TPTE: variants seen among roughly 807,000 people sequenced by gnomAD.
TPTE encodes putative tyrosine-protein phosphatase TPTE.
In TPTE, 59 loss-of-function variants were observed where a neutral mutation model predicts 84.1. The observed-to-expected ratio is 0.70, with a 90% CI of 0.57 to 0.87. The LOEUF is 0.87. TPTE is among the 40% of genes least tolerant of loss of function. The probability of loss-of-function intolerance (pLI) is 0.00; values close to 1 mark genes in which losing one functional copy is unlikely to be tolerated. For missense variants in TPTE, 382 were observed against 659.6 expected, an observed-to-expected ratio of 0.58 and a Z score of 4.61; for synonymous variants, 130 against 223.5, an observed-to-expected ratio of 0.58 and a Z score of 3.73.
At chr21:10,558,629 G>A (rs367922943) in intron 8 of TPTE, among the ~76,000 whole-genome samples, 1,893 of 151,446 alleles carry the variant, frequency 0.012, no homozygotes, top group African/African-American at 0.038. Context: ...TTGTTCTCCC[G>A]TCTTAGGCAC....
At chr21:10,531,020 A>G (rs1465899630) in intron 3 of TPTE, among the ~76,000 whole-genome samples, 1 of 152,308 alleles carries the variant, frequency 6.6e-6, no homozygotes, top group African/African-American at 2.4e-5. Flanking sequence ...TGTCTTGTTA[A>G]TTTACGTGTG....
At chr21:10,589,342 C>T (rs2075422555) in intron 17 of TPTE, among the ~76,000 whole-genome samples, 1 of 152,292 alleles carries the variant, frequency 6.6e-6, no homozygotes. Flanking sequence ...GTAGATGGCG[C>T]CATGGGTAAG....
intron 10 of TPTE, among the ~76,000 whole-genome samples, chr21:10,563,313 G>T (rs967254077): frequency 6.6e-6 from 1 of 152,308 alleles, no homozygotes; most frequent in African/African-American, 2.4e-5. Flanking sequence ...CAACCTGAAG[G>T]TATAAAACTC....
chr21:10,577,692 C>T (rs653453), intron 15 of TPTE, among the ~76,000 whole-genome samples, 172 bp downstream of exon 15: 25,744 of 133,130 alleles, frequency 0.19, 18 homozygotes, highest in African/African-American at 0.46. Flanking sequence ...GGAGTTAGCC[C>T]AGCAGCACAA....
intron 7 of TPTE, among the ~76,000 whole-genome samples, chr21:10,548,344 C>A: frequency 6.6e-6 from 1 of 152,308 alleles, no homozygotes; most frequent in East Asian, 1.9e-4. Flanking sequence ...GTCCTGTATC[C>A]ATTCCCAGCA....
chr21:10,602,982 T>G (rs1476927088), intron 22 of TPTE, among the ~76,000 whole-genome samples: 1 of 152,312 alleles, frequency 6.6e-6, no homozygotes, highest in Non-Finnish European at 1.5e-5. Context: ...ATCCACATGG[T>G]CCCTGCAGAG....
intron 10 of TPTE, among the ~76,000 whole-genome samples, chr21:10,567,296 G>A (rs1227190368): frequency 2.0e-5 from 3 of 152,308 alleles, no homozygotes; most frequent in African/African-American, 7.2e-5. Context: ...TAACTTGATT[G>A]TATATTTTTA....
intron 1 of TPTE, among the ~76,000 whole-genome samples, chr21:10,521,936 C>G (rs1032122096): frequency 3.3e-5 from 5 of 152,278 alleles, no homozygotes; most frequent in African/African-American, 9.6e-5. Flanking sequence ...TCCCCGTCCC[C>G]TCCTCTCCGC....
At position 10,567,637 on chromosome 21, in the gene TPTE, G is replaced by A. The variant is rs370752721; in HGVS notation, c.447-33G>A. On this transcript the variant is annotated intron_variant, in intron 10 of 23. Transcript: ENST00000618007. ...TATTCCTATCTCTTCTTGCAGGGGG[G>A]AATGAACTTATTTTTTTTGTTTTAT... 1,663 of 1,602,862 alleles carry A rather than the reference G, an allele frequency of 1.0e-3. No homozygotes were observed. The African/African-American group carries it at 0.015, about 15-fold the overall frequency.
intron 7 of TPTE, among the ~76,000 whole-genome samples, chr21:10,551,425 T>TA (rs1277937056): frequency 7.4e-5 from 10 of 135,810 alleles, no homozygotes; most frequent in Admixed American, 6.8e-4. Context: ...CCCTAGAACT[T>TA]AAAGTATAAA....
chr21:10,530,794 A>G (rs1283763768), intron 3 of TPTE, among the ~76,000 whole-genome samples: 2 of 152,310 alleles, frequency 1.3e-5, no homozygotes, highest in Non-Finnish European at 2.9e-5. Flanking sequence ...GATGGTTCCT[A>G]CACATACACA....
intron 8 of TPTE, among the ~76,000 whole-genome samples, chr21:10,556,269 A>C (rs2074681695): frequency 6.6e-6 from 1 of 152,266 alleles, no homozygotes; most frequent in Admixed American, 6.5e-5. Flanking sequence ...TTCAATTCCC[A>C]CCTATGAGTG....
At chr21:10,602,882 A>G (rs2145810515) in intron 22 of TPTE, 1 of 518,044 alleles carries the variant, frequency 1.9e-6, no homozygotes, top group South Asian at 1.4e-5. Context: ...GTAAGGTGCT[A>G]CCTGAGCAGG....
At chr21:10,574,573 G>T (rs1203326721) in intron 14 of TPTE, among the ~76,000 whole-genome samples, 4 of 152,302 alleles carry the variant, frequency 2.6e-5, no homozygotes, top group Non-Finnish European at 4.4e-5. Flanking sequence ...AGGGAATTCA[G>T]CACCTTCAAC....
intron 14 of TPTE, among the ~76,000 whole-genome samples, chr21:10,570,791 A>T (rs2075027442): frequency 6.6e-6 from 1 of 152,310 alleles, no homozygotes; most frequent in Non-Finnish European, 1.5e-5. Context: ...TGAATTTGGT[A>T]TGGGCTTAAC....
chr21:10,572,379 G>T (rs1172656970), intron 14 of TPTE, among the ~76,000 whole-genome samples: 1 of 152,186 alleles, frequency 6.6e-6, no homozygotes, highest in Non-Finnish European at 1.5e-5. Flanking sequence ...TTAAACCCAG[G>T]AGGTGGAGGT....
intron 19 of TPTE, among the ~76,000 whole-genome samples, chr21:10,594,443 A>G (rs1195999528): frequency 9.8e-5 from 15 of 152,294 alleles, no homozygotes; most frequent in Non-Finnish European, 1.8e-4. Flanking sequence ...CTTTTCTCAT[A>G]ATGTTTTCTT....
intron 7 of TPTE, among the ~76,000 whole-genome samples, chr21:10,547,760 G>A (rs2074495498): frequency 6.6e-6 from 1 of 152,312 alleles, no homozygotes; most frequent in Admixed American, 6.5e-5. Context: ...AATCCCAGCT[G>A]TGTGGAGGTT....
At chr21:10,596,243 C>T (rs1415225989) in intron 20 of TPTE, among the ~76,000 whole-genome samples, 156 bp downstream of exon 20, 3 of 152,300 alleles carry the variant, frequency 2.0e-5, no homozygotes, top group Non-Finnish European at 2.9e-5. Flanking sequence ...TATGCCGCTC[C>T]TCCTGCAATT....
Sources: gnomAD v4.1 joint callset for allele counts (sites outside exome capture counted in the v4.1 genomes callset) on GRCh38, gnomAD v4.1.1 for gene constraint, MANE v1.5 for transcripts, NCBI Gene and HGNC (gene_info 2026-07-23, HGNC 2026-07-21) for gene names.